Variants in KLHL8 observed in about 807,000 individuals in gnomAD.
The protein encoded by KLHL8 is kelch like family member 8, also known as kelch-like protein 8.
Under a neutral mutation model 63.5 loss-of-function variants are expected in KLHL8, and 38 were observed. The ratio of observed to expected loss-of-function variants is 0.60; its 90% CI spans 0.46 to 0.78. The LOEUF is 0.78. Among genes scored for constraint, KLHL8 ranks in the 30% least tolerant of loss-of-function variants. The probability of loss-of-function intolerance (pLI) is 0.00; values close to 1 mark genes in which losing one functional copy is unlikely to be tolerated. For missense variants in KLHL8, 566 were observed against 752.4 expected, an observed-to-expected ratio of 0.75 and a Z score of 2.90; for synonymous variants, 224 against 254.3, an observed-to-expected ratio of 0.88 and a Z score of 1.13.
In KLHL8 at chr4:87,185,379, G is replaced by C. The variant is rs780293088; in HGVS notation, c.637C>G (p.Leu213Val). 3 of 1,614,012 alleles carry C rather than the reference G, an allele frequency of 1.9e-6. No individual in the cohort carries two copies. The highest frequency in any genetic ancestry group is 1.7e-5 in the Admixed American group (1 of 60,006). The change falls in exon 3 of 10, where the codon CTC becomes GTC. Residue 213 changes from leucine to valine, a missense_variant. Transcript: ENST00000273963. ...TCACTGGAGGACAAAAGCTTATGGA[G>C]GTGCTGCGGTGATACACTTACAAAG... The part of the protein sequence containing the change: ...EDFVSVSPQH[L>V]HKLLSSSDLN...
chr4:87,240,328 C>A (rs1733306367), upstream of KLHL8: 1 of 152,128 alleles, frequency 6.6e-6, no homozygotes, highest in Admixed American at 6.5e-5. Flanking sequence ...GAGGAATTAC[C>A]AGAAAAACAC....
At chr4:87,199,116 A>C (rs1468456660) in intron 1 of KLHL8, among the ~76,000 whole-genome samples, 1 of 152,212 alleles carries the variant, frequency 6.6e-6, no homozygotes. Flanking sequence ...TTTAAGTATA[A>C]AGACACAAAT....
Position 87,163,515 on chromosome 4 carries a change from CAA to C in KLHL8, c.*2_*3del, listed in dbSNP as rs768466178. The C allele has an allele frequency of 5.0e-6, 8 of 1,613,628 alleles. No homozygotes were observed. The African/African-American group carries it at 1.1e-4, about 22-fold the overall frequency. On this transcript the variant is annotated 3_prime_UTR_variant, in exon 10 of 10. Transcript: ENST00000273963. ...GACTAAATTGTTGGTGGCCAGAACT[CAA>C]ATCACATACAGTCAACCACATTATT... is the stretch of plus-strand genomic sequence containing the variant.
intron 1 of KLHL8, among the ~76,000 whole-genome samples, chr4:87,239,496 C>T (rs540846534): frequency 3.3e-5 from 5 of 152,278 alleles, no homozygotes; most frequent in South Asian, 4.1e-4. Flanking sequence ...AAGGAACATG[C>T]GCACTTCTAA....
chr4:87,239,881 G>GA (rs1378124101), intron 1 of KLHL8, among the ~76,000 whole-genome samples: 1 of 152,138 alleles, frequency 6.6e-6, no homozygotes, highest in African/African-American at 2.4e-5. Context: ...TCAGCCTCCA[G>GA]ATTCTTCCCT....
chr4:87,239,082 A>G (rs1733284380), intron 1 of KLHL8, among the ~76,000 whole-genome samples: 1 of 152,226 alleles, frequency 6.6e-6, no homozygotes, highest in African/African-American at 2.4e-5. Flanking sequence ...AATACAATAT[A>G]TACCTTTTTC....
chr4:87,202,089 G>A (rs1456397449), intron 1 of KLHL8, among the ~76,000 whole-genome samples: 1 of 151,034 alleles, frequency 6.6e-6, no homozygotes, highest in African/African-American at 2.4e-5. Context: ...CAGCCTGGGC[G>A]ACTGAGACTC....
intron 1 of KLHL8, among the ~76,000 whole-genome samples, chr4:87,214,790 GT>G (rs144013840): frequency 6.6e-6 from 1 of 150,534 alleles, no homozygotes; most frequent in African/African-American, 2.4e-5. Context: ...ATTTTTAAAG[GT>G]TTTTTTTTGG....
At chr4:87,208,897 A>G (rs1178594291) in intron 1 of KLHL8, among the ~76,000 whole-genome samples, 1 of 152,196 alleles carries the variant, frequency 6.6e-6, no homozygotes. Flanking sequence ...ACTTTTATAA[A>G]ATTATTTTTA....
At position 87,187,757 on chromosome 4, in the gene KLHL8, G is replaced by A. The variant is rs376629895; in HGVS notation, c.217-1958C>T. Among the ~76,000 whole-genome samples the A allele has an allele frequency of 3.2e-4, 48 of 152,142 alleles. 1 individual carries two copies. In the East Asian group the frequency reaches 8.5e-3, roughly 27 times the overall value. ...CTTACATCTGGAAGTTTTTGGTACTGAGTGGGAAGATATCTTCTTTTTAAT... is the reference window on the plus strand; with the variant it reads ...CTTACATCTGGAAGTTTTTGGTACTAAGTGGGAAGATATCTTCTTTTTAAT... On this transcript the variant is annotated intron_variant, in intron 2 of 9. Coordinates refer to ENST00000273963, the MANE Select transcript of KLHL8 (RefSeq NM_020803.5).
chr4:87,164,075 AC>A lies in KLHL8; in HGVS notation c.1541del (p.Gly514ValfsTer8). 6.2e-7 allele frequency: 1 copy of A among 1,613,082 alleles called. No homozygotes were observed. Among genetic ancestry groups the A allele is most frequent in the Non-Finnish European group, 8.5e-7 (1 of 1,179,122 alleles). The part of the protein sequence containing the change: ...KLHGCLYVVG[G>X]FDDNSPLSSV... ...AACTCAGAGGAGAATTATCATCAAA[AC>A]CACCTATGTAAAGAAATATTTTAAA... On this transcript the variant is annotated frameshift_variant, in exon 9 of 10. Coordinates refer to ENST00000273963, the MANE Select transcript of KLHL8 (RefSeq NM_020803.5). LOFTEE classifies it high-confidence loss of function.
chr4:87,162,974 T>A lies in KLHL8; in HGVS notation c.*545A>T, dbSNP rs994015664. On this transcript the variant is annotated 3_prime_UTR_variant, in exon 10 of 10. Transcript: ENST00000273963. ...ATTCAAAAAGACAGAACATTTTTTC[T>A]ACTTCCGTAAATATAAAAGAAATTG... 6.6e-6 allele frequency: 1 copy of A among 152,106 alleles called. No homozygotes were observed. The highest frequency in any genetic ancestry group is 2.4e-5 in the African/African-American group (1 of 41,414). 9.4% of individuals were successfully genotyped at this position (152,106 alleles called of 1,614,324 possible). A position where few individuals can be genotyped will look rare whatever the true frequency, so the allele number is the denominator to read the frequency against.
intron 8 of KLHL8, chr4:87,167,297 G>A (rs1024404308): frequency 6.5e-6 from 3 of 463,494 alleles, no homozygotes; most frequent in South Asian, 1.8e-5. Flanking sequence ...TTCATGGGCT[G>A]CTTTAGTGTT....
chr4:87,216,776 G>A (rs992461775), intron 1 of KLHL8, among the ~76,000 whole-genome samples: 5 of 152,002 alleles, frequency 3.3e-5, no homozygotes, highest in African/African-American at 1.2e-4. Context: ...TATCTATATA[G>A]CAATATCCAC....
Position 87,185,422 on chromosome 4 carries a change from T to C in KLHL8, c.594A>G (p.Glu198=). The change falls in exon 3 of 10, where the codon GAA becomes GAG. Residue 198 remains glutamate, a synonymous_variant. Transcript: ENST00000273963. ...ADQYACDHFT[E]VVECEDFVSV... ...TTACAAAGTCTTCACACTCCACTAC[T>C]TCAGTAAAATGGTCACAGGCATACT... The C allele has an allele frequency of 2.5e-6, 4 of 1,614,164 alleles. No homozygotes were observed. Among genetic ancestry groups the C allele is most frequent in the Non-Finnish European group, 3.4e-6 (4 of 1,180,006 alleles).
intron 1 of KLHL8, among the ~76,000 whole-genome samples, chr4:87,227,410 G>C (rs752083901): frequency 1.3e-5 from 2 of 152,148 alleles, no homozygotes; most frequent in African/African-American, 2.4e-5. Flanking sequence ...GGGAGGCCCA[G>C]ACAAAGGAAG....
chr4:87,205,908 T>C (rs1432985592), intron 1 of KLHL8, among the ~76,000 whole-genome samples: 2 of 152,218 alleles, frequency 1.3e-5, no homozygotes, highest in Non-Finnish European at 2.9e-5. Flanking sequence ...CCTGTGCTAT[T>C]AACTACCACA....
In KLHL8 at chr4:87,181,300, G is replaced by T. The variant is rs552073906; in HGVS notation, c.952+1903C>A. The stretch of plus-strand genomic sequence containing the variant: ...AAAAAAAAAGAAAAAAAAAAAATTT[G>T]CCCGGCGTGGTGGGGCACACAAGAA... On this transcript the variant is annotated intron_variant, in intron 4 of 9. Transcript: ENST00000273963. Among the ~76,000 whole-genome samples the T allele has an allele frequency of 9.3e-5, 14 of 150,696 alleles. No homozygotes were observed. The South Asian group carries it at 2.5e-3, about 27-fold the overall frequency.
intron 8 of KLHL8, among the ~76,000 whole-genome samples, chr4:87,165,066 G>A (rs534936628): frequency 6.9e-4 from 103 of 149,540 alleles, no homozygotes; most frequent in African/African-American, 2.2e-3. Context: ...GGACAATGGC[G>A]TGAACCTGGG....
Sources: gnomAD v4.1 joint callset for allele counts (sites outside exome capture counted in the v4.1 genomes callset) on GRCh38, gnomAD v4.1.1 for gene constraint, MANE v1.5 for transcripts, NCBI Gene and HGNC (gene_info 2026-07-23, HGNC 2026-07-21) for gene names.